The following HBS1L variants were observed in gnomAD, a reference collection of about 807,000 sequenced individuals.
HBS1L encodes the protein HBS1-like protein.
Under a neutral mutation model 88.9 loss-of-function variants are expected in HBS1L, and 55 were observed. That is an observed-to-expected ratio of 0.62 (90% CI 0.50 to 0.77). HBS1L has a LOEUF of 0.77. Among genes scored for constraint, HBS1L ranks in the 30% least tolerant of loss-of-function variants. The pLI is 0.00. For synonymous variants in HBS1L, 267 were observed against 288.5 expected, an observed-to-expected ratio of 0.93 and a Z score of 0.76; for missense variants, 741 against 829.3, an observed-to-expected ratio of 0.89 and a Z score of 1.31.
At position 134,975,628 on chromosome 6, in the gene HBS1L, G is replaced by C. The variant is rs571948867; in HGVS notation, c.1797+3051C>G. On this transcript the variant is annotated intron_variant, in intron 15 of 17. Transcript: ENST00000367837. ...AATACTTAACAACCAACTAATCTTT[G>C]ACAAGGCATGCAAAAACATAAATTG... 1.7e-3 allele frequency among the ~76,000 whole-genome samples: 266 copies of C among 152,224 alleles called. 1 individual carries two copies. Among genetic ancestry groups the C allele is most frequent in the African/African-American group, 6.1e-3 (252 of 41,554 alleles).
intron 5 of HBS1L, among the ~76,000 whole-genome samples, chr6:135,001,807 G>A (rs1775466789): frequency 6.6e-6 from 1 of 151,268 alleles, no homozygotes; most frequent in Non-Finnish European, 1.5e-5. Flanking sequence ...TCCAAAAATT[G>A]AACTAGGTGA....
chr6:134,968,037 T>C (rs1014118246), intron 16 of HBS1L, among the ~76,000 whole-genome samples: 1 of 152,106 alleles, frequency 6.6e-6, no homozygotes, highest in African/African-American at 2.4e-5. Flanking sequence ...TTTAGAGCAA[T>C]GTGAGATTTT....
intron 5 of HBS1L, 64 bp from the exon 6 acceptor site, chr6:134,997,720 A>T: frequency 6.4e-6 from 9 of 1,416,056 alleles, no homozygotes; most frequent in Non-Finnish European, 8.0e-6. Context: ...ACAATGACAG[A>T]AGGGCAGAGA....
chr6:134,972,692 TA>T (rs1239231801), intron 15 of HBS1L, among the ~76,000 whole-genome samples: 2 of 152,206 alleles, frequency 1.3e-5, no homozygotes, highest in Non-Finnish European at 2.9e-5. Context: ...GCAAATCATG[TA>T]TGTAATAAGG....
At chr6:135,005,262 GA>G (rs1260673242) in intron 4 of HBS1L, among the ~76,000 whole-genome samples, 1 of 152,198 alleles carries the variant, frequency 6.6e-6, no homozygotes, top group Non-Finnish European at 1.5e-5. Flanking sequence ...CAAAAGCATT[GA>G]AATATTAAAG....
chr6:134,986,129 T>C lies in HBS1L; in HGVS notation c.1360A>G (p.Thr454Ala). Residue 454 changes from threonine (T) to alanine (A), a missense_variant, in exon 11 of 18, where the codon ACA becomes GCA. Physicochemically the swap from Thr to Ala is moderately conservative, Grantham distance 58. Transcript: ENST00000367837. ...GTGAGTTCACTTGACTGAGATCTTG[T>C]GATTAGATTTTCACCACTGAGACCA... is the stretch of plus-strand genomic sequence containing the variant. ...TSGLSGENLI[T>A]RSQSSELTKW... The C allele has an allele frequency of 6.2e-7, 1 of 1,603,834 alleles. No homozygotes were observed. The highest frequency in any genetic ancestry group is 8.5e-7 in the Non-Finnish European group (1 of 1,171,448).
chr6:134,981,759 T>A (rs1774837593), intron 13 of HBS1L, among the ~76,000 whole-genome samples: 2 of 151,816 alleles, frequency 1.3e-5, no homozygotes, highest in South Asian at 2.1e-4. Context: ...AATTAGAAAG[T>A]TTTAGTCAAA....
chr6:134,993,719 G>T, intron 8 of HBS1L, 39 bp downstream of exon 8: 1 of 869,638 alleles, frequency 1.1e-6, no homozygotes, highest in Non-Finnish European at 1.7e-6. Context: ...TTTATGTAAA[G>T]TACAATCAGC....
At chr6:135,011,987 G>C (rs1176868915) in intron 4 of HBS1L, among the ~76,000 whole-genome samples, 2 of 151,142 alleles carry the variant, frequency 1.3e-5, no homozygotes, top group African/African-American at 4.9e-5. Flanking sequence ...ACAATAAATG[G>C]GCCAGGTCAA....
chr6:135,054,764 C>T lies in HBS1L; in HGVS notation c.-73G>A. 2 of 1,565,818 alleles carry T rather than the reference C, an allele frequency of 1.3e-6. No individual in the cohort carries two copies. The highest frequency in any genetic ancestry group is 2.3e-5 in the East Asian group (1 of 43,908). On this transcript the variant is annotated 5_prime_UTR_variant, in exon 1 of 18. It introduces an in-frame stop codon into an upstream open reading frame of the 5' UTR. Coordinates refer to ENST00000367837, the MANE Select transcript of HBS1L (RefSeq NM_006620.4). ...ACTCCGCTTAGATACTGATAAGGCG[C>T]CAACTGCAGCCTGGAGAACCCCTAT...
In HBS1L at chr6:135,036,689, T is replaced by C. The variant is rs1017870631; in HGVS notation, c.430+2884A>G. 4 of 1,551,182 alleles carry C rather than the reference T, an allele frequency of 2.6e-6. No individual in the cohort carries two copies. The African/African-American group carries it at 4.1e-5, about 16-fold the overall frequency. On this transcript the variant is annotated intron_variant, in intron 4 of 17. Coordinates refer to ENST00000367837, the MANE Select transcript of HBS1L (RefSeq NM_006620.4). The stretch of plus-strand genomic sequence containing the variant: ...TCCTTTACATCTTGAACTTGTCTAC[T>C]ATAAAGAAAAGTCTTATAGAGGTCA...
At position 134,963,105 on chromosome 6, in the gene HBS1L, T is replaced by C. The variant is rs1774222817; in HGVS notation, c.*2174A>G. On this transcript the variant is annotated 3_prime_UTR_variant, in exon 18 of 18. Transcript: ENST00000367837. Reference sequence around the variant, plus strand: ...TCACAGTCTTATATAATATACAGAGTGGATGGTTTCTTGTTTTTACTCCCC... The same window carrying C: ...TCACAGTCTTATATAATATACAGAGCGGATGGTTTCTTGTTTTTACTCCCC... 6.6e-6 allele frequency: 1 copy of C among 152,056 alleles called. No individual in the cohort carries two copies. The highest frequency in any genetic ancestry group is 2.4e-5 in the African/African-American group (1 of 41,386). 9.4% of individuals were successfully genotyped at this position (152,056 alleles called of 1,614,324 possible).
intron 4 of HBS1L, among the ~76,000 whole-genome samples, chr6:135,023,851 G>A (rs918311635): frequency 6.6e-6 from 1 of 152,028 alleles, no homozygotes; most frequent in Non-Finnish European, 1.5e-5. Flanking sequence ...CTTTATTTGT[G>A]AGGCAATGGA....
At chr6:135,042,892 A>G (rs1303385573) in intron 2 of HBS1L, among the ~76,000 whole-genome samples, 1 of 152,162 alleles carries the variant, frequency 6.6e-6, no homozygotes, top group Non-Finnish European at 1.5e-5. Flanking sequence ...GAGTTCACGG[A>G]AAATACAGAC....
At chr6:135,043,367 A>C (rs1205275809) in intron 2 of HBS1L, among the ~76,000 whole-genome samples, 1 of 152,258 alleles carries the variant, frequency 6.6e-6, no homozygotes, top group African/African-American at 2.4e-5. Flanking sequence ...TGACTTGTGT[A>C]TAGATTATCA....
At chr6:135,005,181 A>C (rs1344248720) in intron 4 of HBS1L, among the ~76,000 whole-genome samples, 1 of 152,240 alleles carries the variant, frequency 6.6e-6, no homozygotes, top group Non-Finnish European at 1.5e-5. Flanking sequence ...AGTAAAAGGC[A>C]AACTAGGTTA....
At chr6:135,033,481 T>G (rs1202791233) in intron 4 of HBS1L, among the ~76,000 whole-genome samples, 2 of 152,150 alleles carry the variant, frequency 1.3e-5, no homozygotes, top group Non-Finnish European at 2.9e-5. Flanking sequence ...ATTCCCTTAG[T>G]CAACAGGGCA....
intron 4 of HBS1L, among the ~76,000 whole-genome samples, chr6:135,027,816 G>A (rs917078548): frequency 6.6e-6 from 1 of 150,944 alleles, no homozygotes; most frequent in Non-Finnish European, 1.5e-5. Flanking sequence ...CGCCCGGGCT[G>A]GAGTGCATTA....
At chr6:134,979,113 A>G (rs1212366260) in intron 14 of HBS1L, 65 bp downstream of exon 14, 1 of 1,154,058 alleles carries the variant, frequency 8.7e-7, no homozygotes, top group East Asian at 2.4e-5. Context: ...GTTGCAAAAT[A>G]TATGTGTTTA....
Sources: gnomAD v4.1 joint callset for allele counts (sites outside exome capture counted in the v4.1 genomes callset) on GRCh38, gnomAD v4.1.1 for gene constraint, MANE v1.5 for transcripts, NCBI Gene and HGNC (gene_info 2026-07-23, HGNC 2026-07-21) for gene names.